Variants in CALCOCO2 observed in about 807,000 individuals in gnomAD.
CALCOCO2 encodes calcium-binding and coiled-coil domain-containing protein 2.
CALCOCO2 carries 42 observed loss-of-function variants against 62.5 expected under a neutral mutation model. That is an observed-to-expected ratio of 0.67 (90% CI 0.53 to 0.87). The LOEUF (loss-of-function observed/expected upper bound fraction) is 0.87. Ranked by LOEUF, CALCOCO2 falls within the 40% of genes least tolerant of loss-of-function variation. CALCOCO2 has a pLI of 0.00. For missense variants in CALCOCO2, 456 were observed against 515.0 expected (o/e 0.89, Z 1.11); for synonymous variants, 167 against 173.0 (o/e 0.97, Z 0.27).
intron 2 of CALCOCO2, chr17:48,842,429 A>G (rs2039987525): frequency 6.6e-6 from 1 of 151,678 alleles, no homozygotes; most frequent in African/African-American, 2.4e-5. Flanking sequence ...TGCTGGAATT[A>G]CAGGCGTGAC....
At chr17:48,834,001 T>G (rs1006517816) in intron 1 of CALCOCO2, among the ~76,000 whole-genome samples, 22 of 148,366 alleles carry the variant, frequency 1.5e-4, no homozygotes, top group African/African-American at 5.3e-4. Flanking sequence ...ATGCCTAGGG[T>G]CCCAGCTACT....
rs1330219848 is a variant in CALCOCO2, at chr17:48,852,556, T to C, written c.753T>C (p.Asp251=). ...EKEMEKLVQG[D]QDKTEQLEQL... ...AAATGGAGAAGCTTGTTCAGGGAGA[T>C]CAAGATAAGACAGAGCAGTTAGAGC... Residue 251 remains aspartate, a synonymous_variant, in exon 8 of 13, where the codon GAT becomes GAC. Transcript: ENST00000258947. 1 of 1,612,720 alleles carries C rather than the reference T, an allele frequency of 6.2e-7. No individual in the cohort carries two copies. The highest frequency in any genetic ancestry group is 1.1e-5 in the South Asian group (1 of 91,040).
chr17:48,862,331 C>T (rs1238382848), intron 12 of CALCOCO2, 27 bp downstream of exon 12: 6 of 1,523,754 alleles, frequency 3.9e-6, no homozygotes, highest in Non-Finnish European at 4.6e-6. Context: ...TGAGAATATT[C>T]CCACAAAGCA....
At position 48,865,211 on chromosome 17, in the gene CALCOCO2, A is replaced by T. The variant is rs540936522; in HGVS notation, c.*2206A>T. ...CTCTTACCAAGGCTTTGAAGGGGGA[A>T]ATTATGCTCTAGGCAGCCACTAGTA... On this transcript the variant is annotated 3_prime_UTR_variant, in exon 13 of 13. Coordinates refer to ENST00000258947, the MANE Select transcript of CALCOCO2 (RefSeq NM_005831.5). 6.6e-6 allele frequency: 1 copy of T among 152,218 alleles called. No homozygotes were observed. Among genetic ancestry groups the T allele is most frequent in the African/African-American group, 2.4e-5 (1 of 41,522 alleles). The allele number at this position is 152,218 out of a possible 1,614,324, so 9.4% of individuals were successfully genotyped here.
intron 1 of CALCOCO2, among the ~76,000 whole-genome samples, chr17:48,832,622 C>T (rs1476196309): frequency 6.6e-6 from 1 of 152,180 alleles, no homozygotes; most frequent in African/African-American, 2.4e-5. Context: ...CTTGGCCAAG[C>T]TCTCAGAGTG....
chr17:48,852,402 T>G, intron 7 of CALCOCO2, 104 bp from the exon 8 acceptor site: 1 of 972,226 alleles, frequency 1.0e-6, no homozygotes, highest in Non-Finnish European at 1.5e-6. Context: ...CAGTTGGGAG[T>G]TGCTAGGGAA....
At chr17:48,861,424 C>T (rs909758956) in intron 11 of CALCOCO2, among the ~76,000 whole-genome samples, 4 of 151,888 alleles carry the variant, frequency 2.6e-5, no homozygotes, top group Admixed American at 6.6e-5. Context: ...CCATGTTGCC[C>T]AGGCCGGTTT....
intron 4 of CALCOCO2, 74 bp from the exon 5 acceptor site, chr17:48,849,178 C>A: frequency 6.9e-7 from 1 of 1,451,200 alleles, no homozygotes. Context: ...TCAGCCAGTC[C>A]CTCACCATCC....
At chr17:48,857,011 A>G (rs1414779720) in intron 10 of CALCOCO2, among the ~76,000 whole-genome samples, 1 of 151,702 alleles carries the variant, frequency 6.6e-6, no homozygotes, top group Non-Finnish European at 1.5e-5. Context: ...TGTGTTGCCC[A>G]AGCTGCTCTC....
chr17:48,847,106 C>G (rs2040063079), intron 2 of CALCOCO2, among the ~76,000 whole-genome samples: 2 of 151,990 alleles, frequency 1.3e-5, no homozygotes, highest in South Asian at 4.2e-4. Context: ...ATCTTTATTA[C>G]CAAAAAGCCA....
chr17:48,845,555 C>A (rs2040040593), intron 2 of CALCOCO2, among the ~76,000 whole-genome samples: 1 of 145,810 alleles, frequency 6.9e-6, no homozygotes, highest in African/African-American at 2.7e-5. Flanking sequence ...CATGGAGAAA[C>A]CCTGTCTCTA....
chr17:48,846,204 T>TG lies in CALCOCO2; in HGVS notation c.181-1857dup, dbSNP rs201271700. 2,303 of 587,726 alleles carry TG rather than the reference T, an allele frequency of 3.9e-3. 54 individuals are homozygous for TG. The highest frequency in any genetic ancestry group is 0.039 in the African/African-American group (2,035 of 52,588). The allele number at this position is 587,726 out of a possible 1,614,324, so 36.4% of individuals were successfully genotyped here. A position where few individuals can be genotyped will look rare whatever the true frequency, so the allele number is the denominator to read the frequency against. ...CAGGCTGGAGTGCAGAGGTGCAATCTGGGCTCACTGCAACCTCTGCCTCCT... is the reference window on the plus strand; with the variant it reads ...CAGGCTGGAGTGCAGAGGTGCAATCTGGGGCTCACTGCAACCTCTGCCTCCT... On this transcript the variant is annotated intron_variant, in intron 2 of 12. Coordinates refer to ENST00000258947, the MANE Select transcript of CALCOCO2 (RefSeq NM_005831.5).
rs59973644 is a variant in CALCOCO2 at position 48,861,661 on chromosome 17, G to GTATATA, written c.1145-604_1145-599dup. Among the ~76,000 whole-genome samples, 892 of 135,120 alleles carry GTATATA rather than the reference G, an allele frequency of 6.6e-3. 35 individuals are homozygous for GTATATA. Among genetic ancestry groups the GTATATA allele is most frequent in the African/African-American group, 0.024 (805 of 34,000 alleles). The allele number at this position is 135,120 out of a possible 152,430, so 88.6% of individuals were successfully genotyped here. A position where few individuals can be genotyped will look rare whatever the true frequency, so the allele number is the denominator to read the frequency against. ...TATGTATATATATATATGTGTGTGT[G>GTATATA]TATATATATATATATAAAGCCTGTG... On this transcript the variant is annotated intron_variant, in intron 11 of 12. Transcript: ENST00000258947.
At position 48,850,778 on chromosome 17, in the gene CALCOCO2, C is replaced by T. The variant is rs527545705; in HGVS notation, c.544-311C>T. ...ATAAAAAGAGCATTTTGTGACCAGG[C>T]GCAGTGGCTCATGCCTGTAATCCCA... is the stretch of plus-strand genomic sequence containing the variant. On this transcript the variant is annotated intron_variant, in intron 5 of 12. Coordinates refer to ENST00000258947, the MANE Select transcript of CALCOCO2 (RefSeq NM_005831.5). Among the ~76,000 whole-genome samples the T allele has an allele frequency of 4.6e-5, 7 of 152,002 alleles. No homozygotes were observed. In the South Asian group the frequency reaches 1.0e-3, roughly 23 times the overall value.
intron 1 of CALCOCO2, among the ~76,000 whole-genome samples, chr17:48,839,670 CT>C (rs766846336): frequency 0.018 from 1,192 of 66,118 alleles, 4 homozygotes; most frequent in Non-Finnish European, 0.023. Flanking sequence ...CTTTGCTTTG[CT>C]TTTTTTTTTT....
Position 48,836,818 on chromosome 17 carries a change from A to C in CALCOCO2, c.-10-4880A>C, listed in dbSNP as rs559385813. Among the ~76,000 whole-genome samples the C allele has an allele frequency of 5.5e-5, 8 of 145,032 alleles. No individual in the cohort carries two copies. The South Asian group carries it at 1.7e-3, about 31-fold the overall frequency. The stretch of plus-strand genomic sequence containing the variant: ...GCTCTTATTGCCCAAGCTGGAGTGC[A>C]GTGGTGCGATCTCAGCTCACTGCAA... On this transcript the variant is annotated intron_variant, in intron 1 of 12. Transcript: ENST00000258947.
At chr17:48,856,639 GCATTCATTCATTCATT>G (rs72437948) in intron 10 of CALCOCO2, 2 of 447,290 alleles carry the variant, frequency 4.5e-6, no homozygotes, top group Non-Finnish European at 9.0e-6. Context: ...TAAATGCTGT[GCATTCATTCATTCATT>G]CATTCATTCA....
intron 1 of CALCOCO2, among the ~76,000 whole-genome samples, chr17:48,838,855 G>A (rs965397501): frequency 1.1e-4 from 16 of 152,076 alleles, no homozygotes; most frequent in Non-Finnish European, 2.1e-4. Flanking sequence ...GTGTACAACT[G>A]AAATATTTTT....
chr17:48,837,971 G>A (rs926238786), intron 1 of CALCOCO2, among the ~76,000 whole-genome samples: 4 of 152,004 alleles, frequency 2.6e-5, no homozygotes, highest in African/African-American at 7.3e-5. Flanking sequence ...TGTGCCAGCC[G>A]GGCGCGGTGG....
Sources: gnomAD v4.1 joint callset for allele counts (sites outside exome capture counted in the v4.1 genomes callset) on GRCh38, gnomAD v4.1.1 for gene constraint, MANE v1.5 for transcripts, NCBI Gene and HGNC (gene_info 2026-07-23, HGNC 2026-07-21) for gene names.